The following FNIP2 variants were observed in gnomAD, a reference collection of about 807,000 sequenced individuals.
The protein encoded by FNIP2 is folliculin-interacting protein 2.
FNIP2 carries 32 observed loss-of-function variants against 108.7 expected under a neutral mutation model. The observed-to-expected ratio is 0.29, with a 90% confidence interval of 0.22 to 0.40. The LOEUF is 0.40. Among genes scored for constraint, FNIP2 ranks in the 10% least tolerant of loss-of-function variants. The probability of loss-of-function intolerance (pLI) is 1.00; values close to 1 mark genes in which losing one functional copy is unlikely to be tolerated. For synonymous variants in FNIP2, 480 were observed against 496.7 expected, an observed-to-expected ratio of 0.97 and a Z score of 0.45; for missense variants, 1,202 against 1,381.6, an observed-to-expected ratio of 0.87 and a Z score of 2.06.
chr4:158,856,594 G>T (rs1779997553), intron 8 of FNIP2, among the ~76,000 whole-genome samples: 2 of 152,178 alleles, frequency 1.3e-5, no homozygotes, highest in South Asian at 4.1e-4. Flanking sequence ...GCATTGACTA[G>T]CATGAGCACC....
chr4:158,874,491 G>GTAAAAAAAAAA (rs1434733947), intron 14 of FNIP2, among the ~76,000 whole-genome samples: 1 of 3,282 alleles, frequency 3.0e-4, no homozygotes, highest in Non-Finnish European at 8.7e-4. Context: ...CCCATCTCTA[G>GTAAAAAAAAAA]CAAAAAAAAA....
chr4:158,904,274 G>T (rs1433035225), intron 16 of FNIP2, among the ~76,000 whole-genome samples, 192 bp from the exon 17 acceptor site: 2 of 152,142 alleles, frequency 1.3e-5, no homozygotes, highest in Non-Finnish European at 2.9e-5. Flanking sequence ...TCCCTGGTCA[G>T]TGTCCACTGG....
intron 3 of FNIP2, 40 bp from the exon 4 acceptor site, chr4:158,831,821 G>A: frequency 7.6e-7 from 1 of 1,309,706 alleles, no homozygotes; most frequent in Middle Eastern, 1.8e-4. Flanking sequence ...TGCATGTCAT[G>A]TTCCATGTAC....
chr4:158,838,824 G>A (rs1438171420), intron 7 of FNIP2, among the ~76,000 whole-genome samples: 2 of 151,988 alleles, frequency 1.3e-5, no homozygotes, highest in Non-Finnish European at 2.9e-5. Flanking sequence ...TAGTTGTCAT[G>A]TTCTTCAGGC....
Position 158,868,873 on chromosome 4 carries a change from GC to G in FNIP2, c.2241del (p.Ser748ProfsTer95). The G allele has an allele frequency of 6.2e-7, 1 of 1,613,986 alleles. No homozygotes were observed. Among genetic ancestry groups the G allele is most frequent in the Non-Finnish European group, 8.5e-7 (1 of 1,179,888 alleles). The part of the protein sequence containing the change: ...KKMEERVKAC[G>X]PSLEASEAAD... ...ATGGAGGAACGGGTGAAGGCCTGTG[GC>G]CCCTCCTTGGAGGCCAGTGAGGCTG... On this transcript the variant is annotated frameshift_variant, in exon 13 of 17. Transcript: ENST00000264433. LOFTEE classifies it high-confidence loss of function. This position sits in a 1 kb window ranked among gnomAD's most constrained non-coding sequence, Gnocchi z 4.6.
At chr4:158,821,692 A>G (rs1297226792) in intron 1 of FNIP2, among the ~76,000 whole-genome samples, 3 of 152,220 alleles carry the variant, frequency 2.0e-5, no homozygotes, top group African/African-American at 7.2e-5. Flanking sequence ...TCCCAAAACT[A>G]TAAAACCGGT....
At chr4:158,836,811 CAAAAAAAAAAAAA>C (rs34469888) in intron 7 of FNIP2, among the ~76,000 whole-genome samples, 52 of 39,580 alleles carry the variant, frequency 1.3e-3, no homozygotes, top group East Asian at 6.5e-3. Context: ...GACTCCGTCT[CAAAAAAAAAAAAA>C]AAAAAAAAAA....
At chr4:158,843,647 T>A (rs1008072312) in intron 7 of FNIP2, among the ~76,000 whole-genome samples, 1 of 152,178 alleles carries the variant, frequency 6.6e-6, no homozygotes, top group African/African-American at 2.4e-5. Context: ...GGACCAACTA[T>A]GTGAAGATCA....
chr4:158,868,482 A>G lies in FNIP2; in HGVS notation c.1846A>G (p.Lys616Glu). Residue 616 changes from lysine to glutamate, a missense_variant, in exon 13 of 17, where the codon AAA (lysine) becomes GAA (glutamate). Physicochemically the swap from Lys to Glu is moderately conservative, Grantham distance 56 (BLOSUM62 1). This residue lies in a region of FNIP2 where 878 missense variants were observed against 990.3 expected (regional missense o/e 0.89). Transcript: ENST00000264433. The surrounding 1 kb of genome is among the most constrained non-coding windows in gnomAD (Gnocchi z 4.6). ...DSRDLGLKPDKEANRRPEQGS... is the reference protein window; with the variant it reads ...DSRDLGLKPDEEANRRPEQGS... Reference sequence around the variant, plus strand: ...TAGAGACCTGGGTCTTAAACCTGACAAAGAAGCTAACAGGAGGCCAGAGCA... The same window carrying G: ...TAGAGACCTGGGTCTTAAACCTGACGAAGAAGCTAACAGGAGGCCAGAGCA... 2 of 1,614,036 alleles carry G rather than the reference A, an allele frequency of 1.2e-6. No individual in the cohort carries two copies. The highest frequency in any genetic ancestry group is 1.7e-6 in the Non-Finnish European group (2 of 1,179,896).
At chr4:158,901,213 A>C (rs578260057) in intron 16 of FNIP2, among the ~76,000 whole-genome samples, 16 of 146,530 alleles carry the variant, frequency 1.1e-4, no homozygotes, top group Middle Eastern at 3.7e-3. Context: ...GCTCACTGCA[A>C]CCTCCGCCCC....
At chr4:158,881,144 G>A (rs553381360) in intron 14 of FNIP2, among the ~76,000 whole-genome samples, 26 of 152,076 alleles carry the variant, frequency 1.7e-4, no homozygotes, top group African/African-American at 6.3e-4. Flanking sequence ...ATAACAAATG[G>A]GAGTTCAAAT....
intron 7 of FNIP2, 139 bp downstream of exon 7, chr4:158,835,615 A>G: frequency 1.5e-6 from 1 of 684,370 alleles, no homozygotes; most frequent in Non-Finnish European, 2.5e-6. Context: ...TGACATATCT[A>G]AAGATCTGAA....
intron 14 of FNIP2, among the ~76,000 whole-genome samples, chr4:158,880,772 C>T (rs531101020): frequency 1.3e-5 from 2 of 152,280 alleles, no homozygotes; most frequent in East Asian, 1.9e-4. Flanking sequence ...TAGTGGCTCT[C>T]AGTCATCCTA....
At chr4:158,856,147 G>T (rs1779971316) in intron 8 of FNIP2, among the ~76,000 whole-genome samples, 1 of 152,132 alleles carries the variant, frequency 6.6e-6, no homozygotes, top group South Asian at 2.1e-4. Context: ...CACTTACCGA[G>T]GCAATTGAAA....
At chr4:158,882,001 G>A (rs1216216573) in intron 14 of FNIP2, among the ~76,000 whole-genome samples, 1 of 151,602 alleles carries the variant, frequency 6.6e-6, no homozygotes. Flanking sequence ...AGTCTAGGAA[G>A]TGAGGAGTGT....
chr4:158,769,820 A>G (rs74927711), intron 1 of FNIP2, among the ~76,000 whole-genome samples: 8,966 of 152,278 alleles, frequency 0.059, 330 homozygotes, highest in African/African-American at 0.1. Flanking sequence ...AAACGGATGA[A>G]TGAAAGTATG....
chr4:158,883,992 G>C (rs900104402), intron 14 of FNIP2, among the ~76,000 whole-genome samples: 2 of 129,256 alleles, frequency 1.5e-5, no homozygotes, highest in African/African-American at 6.0e-5. Flanking sequence ...CCTATCTGTA[G>C]AGCAGTACTG....
At chr4:158,860,963 G>T (rs1780257016) in intron 10 of FNIP2, among the ~76,000 whole-genome samples, 1 of 152,028 alleles carries the variant, frequency 6.6e-6, no homozygotes. Flanking sequence ...TGAGAATCTG[G>T]GTCCTACTTT....
chr4:158,770,079 C>T (rs1578805622), intron 1 of FNIP2, among the ~76,000 whole-genome samples: 1 of 152,064 alleles, frequency 6.6e-6, no homozygotes, highest in South Asian at 2.1e-4. Context: ...ATTATAATTC[C>T]CATTTTACAG....
Sources: gnomAD v4.1 joint callset for allele counts (sites outside exome capture counted in the v4.1 genomes callset) on GRCh38, gnomAD v4.1.1 for gene constraint, gnomAD v4.1.1 regional missense constraint, Gnocchi (gnomAD v3.1) non-coding constraint, MANE v1.5 for transcripts, NCBI Gene and HGNC (gene_info 2026-07-23, HGNC 2026-07-21) for gene names.